REDIC1: variants seen among roughly 807,000 people sequenced by gnomAD.
The protein encoded by REDIC1 is HEI10 Interacting Protein 1.
the REDIC1 span, chr12:39,755,155 A>G: frequency 3.3e-5 from 5 of 152,108 alleles, no homozygotes; most frequent in Non-Finnish European, 7.4e-5. Flanking sequence ...AAAAACATTT[A>G]CATGTATATC....
At chr12:39,821,958 G>A in the REDIC1 span, among the ~76,000 whole-genome samples, 824 of 152,122 alleles carry the variant, frequency 5.4e-3, 6 homozygotes, top group African/African-American at 0.019. Context: ...TAGGGTACAT[G>A]TGCACAATGT....
the REDIC1 span, among the ~76,000 whole-genome samples, chr12:39,898,312 A>G: frequency 6.6e-6 from 1 of 152,186 alleles, no homozygotes; most frequent in African/African-American, 2.4e-5. Context: ...ATACACCCAC[A>G]TGCCCAAAAC....
the REDIC1 span, among the ~76,000 whole-genome samples, chr12:39,767,359 C>CTA: frequency 6.7e-6 from 1 of 150,274 alleles, no homozygotes; most frequent in African/African-American, 2.5e-5. Context: ...ATTCTCCAAA[C>CTA]TATGCTGTAA....
the REDIC1 span, among the ~76,000 whole-genome samples, chr12:39,873,684 T>A: frequency 1.3e-5 from 2 of 152,080 alleles, no homozygotes; most frequent in South Asian, 4.1e-4. Context: ...TCATTTTCAA[T>A]AAAATAAAAC....
the REDIC1 span, among the ~76,000 whole-genome samples, chr12:39,704,947 G>A: frequency 1.3e-5 from 2 of 151,986 alleles, no homozygotes; most frequent in African/African-American, 2.4e-5. Context: ...GAGGAGGGAT[G>A]GCATTGGGAG....
chr12:39,766,777 T>C, the REDIC1 span, among the ~76,000 whole-genome samples: 1 of 152,110 alleles, frequency 6.6e-6, no homozygotes, highest in Non-Finnish European at 1.5e-5. Context: ...GAAACTACTT[T>C]CTTTGTTCCT....
the REDIC1 span, chr12:39,650,175 A>G: frequency 1.5e-6 from 2 of 1,346,642 alleles, no homozygotes; most frequent in Admixed American, 3.3e-5. The surrounding 1 kb of genome is among the most constrained non-coding windows in gnomAD (Gnocchi z 4.3). Context: ...TTTATGGTAA[A>G]TAATTTAAAT....
the REDIC1 span, among the ~76,000 whole-genome samples, chr12:39,796,613 C>T: frequency 6.6e-6 from 1 of 152,022 alleles, no homozygotes. Flanking sequence ...GTATAATACC[C>T]TAGTCACTAC....
the REDIC1 span, among the ~76,000 whole-genome samples, chr12:39,680,553 A>G: frequency 2.6e-5 from 4 of 152,194 alleles, no homozygotes; most frequent in Admixed American, 2.0e-4. Flanking sequence ...TACAACCACT[A>G]TGGAAAACAG....
chr12:39,829,004 T>C, the REDIC1 span, among the ~76,000 whole-genome samples: 1 of 152,208 alleles, frequency 6.6e-6, no homozygotes, highest in African/African-American at 2.4e-5. Context: ...TATTGCATTA[T>C]ACTTTATAGC....
chr12:39,666,987 A>T, the REDIC1 span, among the ~76,000 whole-genome samples: 4 of 151,944 alleles, frequency 2.6e-5, no homozygotes, highest in African/African-American at 4.8e-5. Context: ...CTAGCGGTCC[A>T]TCAGTTTTGT....
At chr12:39,723,500 G>A in the REDIC1 span, among the ~76,000 whole-genome samples, 2 of 150,828 alleles carry the variant, frequency 1.3e-5, 1 homozygote, top group Admixed American at 1.3e-4. Flanking sequence ...ATGCATTACT[G>A]GTTTGGGCTT....
At chr12:39,834,674 G>GAACT in the REDIC1 span, among the ~76,000 whole-genome samples, 44 of 151,962 alleles carry the variant, frequency 2.9e-4, no homozygotes, top group African/African-American at 9.9e-4. Context: ...CTCGGTGTGG[G>GAACT]AACTGTATTT....
the REDIC1 span, chr12:39,646,379 C>A: frequency 1.4e-6 from 2 of 1,435,970 alleles, no homozygotes; most frequent in African/African-American, 1.5e-5. Flanking sequence ...CATAAAAATG[C>A]CCCTAAGAAA....
the REDIC1 span, among the ~76,000 whole-genome samples, chr12:39,649,160 G>A: frequency 6.6e-6 from 1 of 151,812 alleles, no homozygotes; most frequent in Non-Finnish European, 1.5e-5. Flanking sequence ...GAGCTCCAGA[G>A]AGGTAAATAA....
chr12:39,638,594 C>T, the REDIC1 span, among the ~76,000 whole-genome samples: 1 of 151,978 alleles, frequency 6.6e-6, no homozygotes, highest in Non-Finnish European at 1.5e-5. Context: ...ATGCACTCTT[C>T]TTCTTTAGTG....
the REDIC1 span, among the ~76,000 whole-genome samples, chr12:39,690,113 A>AT: frequency 6.6e-6 from 1 of 152,170 alleles, no homozygotes; most frequent in Non-Finnish European, 1.5e-5. Flanking sequence ...GATGGAATGA[A>AT]GGGGTAGGAG....
the REDIC1 span, among the ~76,000 whole-genome samples, chr12:39,878,636 A>G: frequency 6.6e-6 from 1 of 152,202 alleles, no homozygotes; most frequent in South Asian, 2.1e-4. Context: ...GCTTATCCTC[A>G]GATGAGGGAG....
the REDIC1 span, among the ~76,000 whole-genome samples, chr12:39,711,509 G>A: frequency 7.3e-6 from 1 of 136,362 alleles, no homozygotes; most frequent in African/African-American, 2.9e-5. Flanking sequence ...ATGTATATAT[G>A]TGTATATATG....
Sources: gnomAD v4.1 joint callset for allele counts (sites outside exome capture counted in the v4.1 genomes callset) on GRCh38, gnomAD v4.1.1 for gene constraint, Gnocchi (gnomAD v3.1) non-coding constraint, MANE v1.5 for transcripts, NCBI Gene and HGNC (gene_info 2026-07-23, HGNC 2026-07-21) for gene names.